Variants in SAMMSON observed in about 807,000 individuals in gnomAD.
SAMMSON encodes survival associated mitochondrial melanoma specific oncogenic non-coding RNA, also known as long intergenic non-protein coding RNA 1212.
intron 4 of SAMMSON, among the ~76,000 whole-genome samples, chr3:70,241,541 A>T (rs1413765739): frequency 6.6e-6 from 1 of 152,184 alleles, no homozygotes; most frequent in Admixed American, 6.5e-5. Context: ...TTGAATCCTC[A>T]TAACATTGCT....
intron 9 of SAMMSON, among the ~76,000 whole-genome samples, chr3:70,363,990 T>C (rs1702899003): frequency 6.6e-6 from 1 of 151,970 alleles, no homozygotes; most frequent in South Asian, 2.1e-4. Context: ...AAAAAATGTA[T>C]ACATGTTTTT....
At chr3:70,217,992 A>G (rs747646688) in intron 4 of SAMMSON, among the ~76,000 whole-genome samples, 10 of 152,174 alleles carry the variant, frequency 6.6e-5, no homozygotes, top group Admixed American at 2.0e-4. Context: ...TGGAAGGACA[A>G]GAAATCACAG....
At chr3:70,330,008 GA>G (rs1702609538) in intron 7 of SAMMSON, among the ~76,000 whole-genome samples, 1 of 151,736 alleles carries the variant, frequency 6.6e-6, no homozygotes, top group Non-Finnish European at 1.5e-5. Flanking sequence ...AATTCAGGAA[GA>G]AACATAATCT....
At chr3:70,366,458 C>T (rs1210986445) in intron 9 of SAMMSON, among the ~76,000 whole-genome samples, 10 of 119,072 alleles carry the variant, frequency 8.4e-5, no homozygotes, top group Non-Finnish European at 1.7e-4. Context: ...TCTTCCATGT[C>T]TGTTTTTTTG....
chr3:70,263,329 A>T (rs534619630), intron 6 of SAMMSON, among the ~76,000 whole-genome samples: 1 of 152,296 alleles, frequency 6.6e-6, no homozygotes, highest in East Asian at 1.9e-4. Flanking sequence ...TGTTCTAGTG[A>T]CAATTGTGAT....
intron 4 of SAMMSON, among the ~76,000 whole-genome samples, chr3:70,088,090 G>C (rs1055437721): frequency 1.3e-5 from 2 of 152,118 alleles, no homozygotes; most frequent in Non-Finnish European, 2.9e-5. Context: ...CTTCCTCTGT[G>C]ATGGCTTTAT....
intron 7 of SAMMSON, among the ~76,000 whole-genome samples, chr3:70,340,748 C>A (rs1575629235): frequency 6.6e-6 from 1 of 152,204 alleles, no homozygotes; most frequent in East Asian, 1.9e-4. Context: ...TGGGAGAGGA[C>A]TCTTGGAAGC....
intron 3 of SAMMSON, among the ~76,000 whole-genome samples, chr3:70,025,620 A>G (rs2067034478): frequency 6.6e-6 from 1 of 152,210 alleles, no homozygotes; most frequent in African/African-American, 2.4e-5. Context: ...AATAGCAAAC[A>G]GAAAGATGAA....
chr3:70,250,673 C>T (rs1380229360), intron 6 of SAMMSON, among the ~76,000 whole-genome samples: 1 of 152,172 alleles, frequency 6.6e-6, no homozygotes, highest in African/African-American at 2.4e-5. Context: ...TTTCCAGCTT[C>T]CCTAGAACAC....
At chr3:70,075,635 C>A (rs1428400357) in intron 4 of SAMMSON, among the ~76,000 whole-genome samples, 1 of 152,052 alleles carries the variant, frequency 6.6e-6, no homozygotes, top group African/African-American at 2.4e-5. Context: ...ATTAAAATGA[C>A]CTGCTTATAT....
At chr3:70,350,122 C>T (rs1702783129) in intron 7 of SAMMSON, among the ~76,000 whole-genome samples, 1 of 152,120 alleles carries the variant, frequency 6.6e-6, no homozygotes, top group South Asian at 2.1e-4. Context: ...GGCACTTAAA[C>T]AAAATTATCT....
At chr3:70,241,171 AT>A (rs1385845218) in intron 4 of SAMMSON, among the ~76,000 whole-genome samples, 1 of 152,150 alleles carries the variant, frequency 6.6e-6, no homozygotes, top group Non-Finnish European at 1.5e-5. Flanking sequence ...GAGTTGAGAT[AT>A]TTTGGAAGAA....
At chr3:70,347,321 A>G (rs994988117) in intron 7 of SAMMSON, among the ~76,000 whole-genome samples, 1 of 152,236 alleles carries the variant, frequency 6.6e-6, no homozygotes, top group Non-Finnish European at 1.5e-5. Flanking sequence ...AGGCATTGCA[A>G]CAAATCAAGG....
chr3:70,341,879 A>G (rs1702713864), intron 7 of SAMMSON, among the ~76,000 whole-genome samples: 1 of 152,248 alleles, frequency 6.6e-6, no homozygotes, highest in South Asian at 2.1e-4. Context: ...GATATTGGAT[A>G]TACAAAAGAA....
intron 4 of SAMMSON, among the ~76,000 whole-genome samples, chr3:70,102,688 G>A (rs2067350613): frequency 6.6e-6 from 1 of 152,186 alleles, no homozygotes; most frequent in South Asian, 2.1e-4. Flanking sequence ...CACAGTCAAT[G>A]AGCTTAGAGA....
At chr3:70,112,602 T>C (rs541469178) in intron 4 of SAMMSON, among the ~76,000 whole-genome samples, 1 of 152,222 alleles carries the variant, frequency 6.6e-6, no homozygotes, top group African/African-American at 2.4e-5. Context: ...ATGCCACGGA[T>C]GTATAGGATG....
chr3:70,135,529 A>G (rs1042271984), intron 4 of SAMMSON, among the ~76,000 whole-genome samples: 2 of 152,180 alleles, frequency 1.3e-5, no homozygotes, highest in Non-Finnish European at 2.9e-5. Flanking sequence ...AAAACAGACA[A>G]TGGGCATTTT....
chr3:70,418,975 T>TC (rs1701288244), intron 2 of SAMMSON, among the ~76,000 whole-genome samples: 2 of 73,066 alleles, frequency 2.7e-5, no homozygotes, highest in African/African-American at 1.3e-4. Flanking sequence ...CTTTCCTTCC[T>TC]TCCTTCTCTC....
chr3:70,001,462 T>G (rs968882536), intron 1 of SAMMSON, among the ~76,000 whole-genome samples: 4 of 151,962 alleles, frequency 2.6e-5, no homozygotes, highest in African/African-American at 9.7e-5. Flanking sequence ...TGTTTTTTTT[T>G]TTTTTTAAGA....
Sources: gnomAD v4.1 joint callset for allele counts (sites outside exome capture counted in the v4.1 genomes callset) on GRCh38, gnomAD v4.1.1 for gene constraint, MANE v1.5 for transcripts, NCBI Gene and HGNC (gene_info 2026-07-23, HGNC 2026-07-21) for gene names.